KIF15: variants seen among roughly 807,000 people sequenced by gnomAD.
The protein encoded by KIF15 is kinesin-like protein KIF15.
Under a neutral mutation model 190.6 loss-of-function variants are expected in KIF15, and 140 were observed. The observed-to-expected ratio is 0.73, with a 90% CI of 0.64 to 0.84. The LOEUF (loss-of-function observed/expected upper bound fraction) is 0.84, where lower values mean the gene tolerates loss of function less well. KIF15 is among the 40% of genes least tolerant of loss of function. The probability of loss-of-function intolerance (pLI) is 0.00; values close to 1 mark genes in which losing one functional copy is unlikely to be tolerated. For synonymous variants in KIF15, 528 were observed against 551.3 expected (o/e 0.96, Z 0.59); for missense variants, 1,372 against 1,584.4 (o/e 0.87, Z 2.28).
chr3:44,767,381 A>G (rs1272515151), intron 1 of KIF15, among the ~76,000 whole-genome samples: 2 of 152,218 alleles, frequency 1.3e-5, no homozygotes, highest in Non-Finnish European at 2.9e-5. Flanking sequence ...TTAGAGCCAA[A>G]GCTTTGCTGA....
intron 16 of KIF15, among the ~76,000 whole-genome samples, chr3:44,806,724 A>G (rs1448126969): frequency 6.6e-6 from 1 of 152,106 alleles, no homozygotes; most frequent in Non-Finnish European, 1.5e-5. Flanking sequence ...ATTCAAGTCC[A>G]GCTTGAATTC....
chr3:44,813,307 A>T (rs1350184227), intron 19 of KIF15, 127 bp downstream of exon 19: 1 of 577,486 alleles, frequency 1.7e-6, no homozygotes, highest in Non-Finnish European at 2.9e-6. Flanking sequence ...TTTGTTTGAT[A>T]ACCAGACTGC....
chr3:44,861,829 T>G lies in KIF15; in HGVS notation c.*59+9035T>G, dbSNP rs1444824512. 5 of 1,338,450 alleles carry G rather than the reference T, an allele frequency of 3.7e-6. No individual in the cohort carries two copies. The Admixed American group carries it at 8.7e-5, about 23-fold the overall frequency. The allele number at this position is 1,338,450 out of a possible 1,614,324, so 82.9% of individuals were successfully genotyped here. On this transcript the variant is annotated intron_variant and NMD_transcript_variant, in intron 6 of 6. Coordinates refer to the KIF15 transcript ENST00000422209. ...CCAAGGGGCCTGCCGGAGCGTGGCG[T>G]CACAGGAGCGTCGCGTCACGTGAGG...
intron 6 of KIF15, chr3:44,862,000 C>T (rs899775393): frequency 5.8e-6 from 8 of 1,387,254 alleles, no homozygotes; most frequent in Non-Finnish European, 7.5e-6. Flanking sequence ...GGAATTCCCT[C>T]CGCACCTCCA....
chr3:44,805,696 G>GA (rs1707463294), intron 15 of KIF15, 149 bp from the exon 16 acceptor site: 2 of 802,206 alleles, frequency 2.5e-6, no homozygotes, highest in Admixed American at 4.9e-5. Flanking sequence ...TACTGAACTG[G>GA]AGAATGATGG....
At chr3:44,815,513 G>C (rs1020915877) in intron 20 of KIF15, among the ~76,000 whole-genome samples, 1 of 152,170 alleles carries the variant, frequency 6.6e-6, no homozygotes, top group Non-Finnish European at 1.5e-5. Context: ...CACTTTACCA[G>C]GTTTGAGATG....
downstream of KIF15, among the ~76,000 whole-genome samples, chr3:44,854,251 G>A (rs1321555134): frequency 6.6e-6 from 1 of 152,102 alleles, no homozygotes; most frequent in Non-Finnish European, 1.5e-5. Flanking sequence ...TGGGTGTGGT[G>A]GCGCATGCCT....
chr3:44,794,149 A>G lies in KIF15; in HGVS notation c.640-68A>G, dbSNP rs1388709243. The stretch of plus-strand genomic sequence containing the variant: ...TCCAGACATGGCCTCCCAAACTGCT[A>G]GGATTACAGGCATAAGCCACTGTAA... On this transcript the variant is annotated intron_variant, in intron 7 of 34. Coordinates refer to ENST00000326047, the MANE Select transcript of KIF15 (RefSeq NM_020242.3). 1.2e-5 allele frequency: 16 copies of G among 1,324,902 alleles called. No homozygotes were observed. In the Admixed American group the frequency reaches 2.5e-4, roughly 21 times the overall value. The allele number at this position is 1,324,902 out of a possible 1,614,324, so 82.1% of individuals were successfully genotyped here.
intron 16 of KIF15, 41 bp downstream of exon 16, chr3:44,806,027 A>C (rs773086827): frequency 6.3e-7 from 1 of 1,588,574 alleles, no homozygotes; most frequent in South Asian, 1.1e-5. Flanking sequence ...AATCAGTGCA[A>C]TGTCATTTTA....
In KIF15 at chr3:44,812,916, C is replaced by T. The variant is rs1354358039; in HGVS notation, c.2278-159C>T. Among the ~76,000 whole-genome samples, 6 of 151,284 alleles carry T rather than the reference C, an allele frequency of 4.0e-5. No homozygotes were observed. The South Asian group carries it at 1.0e-3, about 26-fold the overall frequency. Reference sequence around the variant, plus strand: ...AGGAGAATCACTTGAACCCAGGAGGCGGAGGTTGAAGTGAGCCGAGGTCGC... The same window carrying T: ...AGGAGAATCACTTGAACCCAGGAGGTGGAGGTTGAAGTGAGCCGAGGTCGC... On this transcript the variant is annotated intron_variant, in intron 18 of 34. Transcript: ENST00000326047.
At chr3:44,841,471 C>T (rs188358635) in intron 29 of KIF15, among the ~76,000 whole-genome samples, 1 of 151,040 alleles carries the variant, frequency 6.6e-6, no homozygotes, top group Non-Finnish European at 1.5e-5. Flanking sequence ...GATCTTGGCT[C>T]ACTGCAAGCT....
At chr3:44,859,824 C>T (rs1699220773) in intron 6 of KIF15, among the ~76,000 whole-genome samples, 1 of 152,064 alleles carries the variant, frequency 6.6e-6, no homozygotes, top group Non-Finnish European at 1.5e-5. Context: ...ACTCTGTCTC[C>T]CTCTAAAAAC....
At chr3:44,804,553 T>C (rs576803810) in intron 14 of KIF15, among the ~76,000 whole-genome samples, 3 of 152,232 alleles carry the variant, frequency 2.0e-5, no homozygotes. Flanking sequence ...TGCCACACTT[T>C]CGTCATTGTT....
chr3:44,817,499 C>A (rs986698267), intron 20 of KIF15, among the ~76,000 whole-genome samples: 5 of 152,034 alleles, frequency 3.3e-5, no homozygotes, highest in African/African-American at 1.2e-4. Context: ...AAACAGGAAA[C>A]CCTTTCCCCA....
intron 26 of KIF15, among the ~76,000 whole-genome samples, chr3:44,831,627 T>A (rs1349297829): frequency 6.6e-6 from 1 of 152,228 alleles, no homozygotes; most frequent in East Asian, 1.9e-4. Flanking sequence ...TTTTTAAAAA[T>A]TAAGCAGTAC....
At chr3:44,844,660 A>T (rs779813751) in intron 30 of KIF15, among the ~76,000 whole-genome samples, 40 of 152,224 alleles carry the variant, frequency 2.6e-4, no homozygotes, top group Non-Finnish European at 5.1e-4. Flanking sequence ...TCTAAGTCAG[A>T]GTCTCTTAAA....
At chr3:44,769,357 A>C (rs1705546544) in intron 1 of KIF15, among the ~76,000 whole-genome samples, 1 of 152,124 alleles carries the variant, frequency 6.6e-6, no homozygotes, top group Non-Finnish European at 1.5e-5. Flanking sequence ...AGGGTAGGTG[A>C]GGGAGGGAGA....
At chr3:44,812,361 A>G (rs1707823108) in intron 18 of KIF15, 72 bp downstream of exon 18, 15 of 1,069,900 alleles carry the variant, frequency 1.4e-5, no homozygotes, top group Non-Finnish European at 2.0e-5. Context: ...AACATCCTCA[A>G]GGATCCTCAA....
At chr3:44,782,687 A>G (rs1180042757) in intron 5 of KIF15, among the ~76,000 whole-genome samples, 1 of 152,244 alleles carries the variant, frequency 6.6e-6, no homozygotes, top group Non-Finnish European at 1.5e-5. Flanking sequence ...GTGGTGGGTC[A>G]GGAAAGACCT....
Sources: allele counts gnomAD v4.1 joint callset (sites outside exome capture counted in the v4.1 genomes callset), GRCh38; gene constraint gnomAD v4.1.1; transcripts MANE v1.5; gene names NCBI Gene and HGNC (gene_info 2026-07-23, HGNC 2026-07-21).